The following SLC44A3 variants were observed in gnomAD, a reference collection of about 807,000 sequenced individuals.
SLC44A3 encodes solute carrier family 44 member 3.
SLC44A3 carries 74 observed loss-of-function variants against 75.4 expected under a neutral mutation model. That is an observed-to-expected ratio of 0.98 (90% CI 0.81 to 1.19). The LOEUF (loss-of-function observed/expected upper bound fraction) is 1.19, where lower values mean the gene tolerates loss of function less well. Ranked by LOEUF, SLC44A3 falls within the 50% of genes most tolerant of loss-of-function variation. The pLI is 0.00. For missense variants in SLC44A3, 700 were observed against 778.6 expected, an observed-to-expected ratio of 0.90 and a Z score of 1.20; for synonymous variants, 310 against 296.9, an observed-to-expected ratio of 1.04 and a Z score of -0.45.
intron 3 of SLC44A3, 78 bp from the exon 4 acceptor site, chr1:94,827,429 G>A: frequency 1.3e-6 from 2 of 1,563,232 alleles, no homozygotes; most frequent in Non-Finnish European, 1.8e-6. Context: ...ATAGCATGTG[G>A]ATATTTTTTA....
intron 12 of SLC44A3, among the ~76,000 whole-genome samples, chr1:94,878,252 C>A (rs1446790683): frequency 7.2e-6 from 1 of 139,566 alleles, no homozygotes. Flanking sequence ...CCAAAACAAA[C>A]AAACAAACAA....
chr1:94,833,756 G>GT (rs1662432781), intron 5 of SLC44A3, among the ~76,000 whole-genome samples: 2 of 151,034 alleles, frequency 1.3e-5, no homozygotes, highest in Admixed American at 6.6e-5. Context: ...GACAAGTCTA[G>GT]TAAAAAAAAA....
chr1:94,837,607 C>G, intron 5 of SLC44A3, 104 bp from the exon 6 acceptor site: 2 of 1,179,930 alleles, frequency 1.7e-6, no homozygotes, highest in South Asian at 3.5e-5. Flanking sequence ...CTCTCTATTA[C>G]TGTAGTTCTT....
intron 10 of SLC44A3, among the ~76,000 whole-genome samples, chr1:94,858,850 C>T (rs1419006879): frequency 6.6e-6 from 1 of 152,154 alleles, no homozygotes; most frequent in Non-Finnish European, 1.5e-5. Flanking sequence ...CACCACCACG[C>T]CTGGCTAATT....
chr1:94,891,792 G>A (rs926891102), intron 13 of SLC44A3, among the ~76,000 whole-genome samples: 16 of 151,894 alleles, frequency 1.1e-4, no homozygotes, highest in Non-Finnish European at 2.1e-4. Context: ...GTGTGGTGGC[G>A]GGTGCCTGTA....
intron 6 of SLC44A3, 58 bp downstream of exon 6, chr1:94,837,929 A>AT: frequency 7.1e-6 from 10 of 1,407,182 alleles, no homozygotes; most frequent in Non-Finnish European, 8.6e-6. Context: ...AGTTCCTAGC[A>AT]TTTTATATGT....
chr1:94,869,462 C>T (rs749028949), intron 12 of SLC44A3, among the ~76,000 whole-genome samples: 5 of 152,178 alleles, frequency 3.3e-5, no homozygotes, highest in African/African-American at 4.8e-5. Flanking sequence ...TGTGGCTAAA[C>T]CTGCTTTGTA....
At chr1:94,892,590 C>T (rs1670338694) in intron 14 of SLC44A3, 73 bp downstream of exon 14, 22 of 1,412,422 alleles carry the variant, frequency 1.6e-5, no homozygotes, top group South Asian at 1.2e-4. Flanking sequence ...GCTGCACACA[C>T]GAAAGAGGCT....
chr1:94,853,475 T>C (rs1214347493), intron 9 of SLC44A3, among the ~76,000 whole-genome samples: 5 of 152,136 alleles, frequency 3.3e-5, no homozygotes, highest in African/African-American at 4.8e-5. Context: ...AATGATTCAA[T>C]AGAGAGAAAG....
chr1:94,847,759 T>C (rs74101890), intron 9 of SLC44A3, among the ~76,000 whole-genome samples: 12,074 of 152,236 alleles, frequency 0.079, 1,412 homozygotes, highest in African/African-American at 0.25. Flanking sequence ...GATGTGGGTA[T>C]TGTTATGTTC....
chr1:94,848,894 T>C (rs757643120), intron 9 of SLC44A3, among the ~76,000 whole-genome samples: 92 of 151,798 alleles, frequency 6.1e-4, no homozygotes, highest in Non-Finnish European at 7.4e-4. Flanking sequence ...AATCGCCAGG[T>C]CAGAAAATAC....
chr1:94,861,450 C>T lies in SLC44A3; in HGVS notation c.1239-3293C>T, dbSNP rs1412542126. Among the ~76,000 whole-genome samples, 8 of 152,114 alleles carry T rather than the reference C, an allele frequency of 5.3e-5. No individual in the cohort carries two copies. In the East Asian group the frequency reaches 1.5e-3, roughly 29 times the overall value. ...AATTATGAATGGGGGAAGAAAACTG[C>T]TGTTTTTCCTATTAAGCCTAGCAGT... On this transcript the variant is annotated intron_variant, in intron 10 of 14. Transcript: ENST00000271227.
intron 12 of SLC44A3, among the ~76,000 whole-genome samples, chr1:94,871,849 A>G (rs1448144903): frequency 6.6e-6 from 1 of 152,234 alleles, no homozygotes; most frequent in East Asian, 1.9e-4. Flanking sequence ...TGTTCTTTAT[A>G]AATCCAAATT....
chr1:94,861,455 T>G (rs1666561777), intron 10 of SLC44A3, among the ~76,000 whole-genome samples: 1 of 152,194 alleles, frequency 6.6e-6, no homozygotes, highest in Non-Finnish European at 1.5e-5. Context: ...AACTGCTGTT[T>G]TTCCTATTAA....
At chr1:94,861,889 A>G (rs1033904924) in intron 10 of SLC44A3, among the ~76,000 whole-genome samples, 1 of 152,236 alleles carries the variant, frequency 6.6e-6, no homozygotes, top group Non-Finnish European at 1.5e-5. Context: ...AAGGAGCTAG[A>G]ACCCTTCAGG....
At chr1:94,820,541 T>C (rs1279453554) in intron 1 of SLC44A3, 63 bp downstream of exon 1, 4 of 1,459,458 alleles carry the variant, frequency 2.7e-6, no homozygotes, top group African/African-American at 1.4e-5. Flanking sequence ...GTCCCCCGCC[T>C]TCACGCACCT....
At chr1:94,836,913 C>CAAAAAAAAAAAAAAAAAAAA (rs56149444) in intron 5 of SLC44A3, 1 of 124,308 alleles carries the variant, frequency 8.0e-6, no homozygotes, top group African/African-American at 3.1e-5. Context: ...CCTGTCTCAA[C>CAAAAAAAAAAAAAAAAAAAA]AAAAAAAAAA....
intron 12 of SLC44A3, among the ~76,000 whole-genome samples, chr1:94,881,886 G>T (rs1405502382): frequency 6.6e-6 from 1 of 151,324 alleles, no homozygotes; most frequent in Non-Finnish European, 1.5e-5. Flanking sequence ...TGGGCATGGT[G>T]GCACGTGCCT....
At chr1:94,864,605 A>G in intron 10 of SLC44A3, 138 bp from the exon 11 acceptor site, 2 of 731,260 alleles carry the variant, frequency 2.7e-6, no homozygotes, top group Non-Finnish European at 4.3e-6. Flanking sequence ...GAAGCTACCA[A>G]GGAGTATAAA....
Sources: gnomAD v4.1 joint callset for allele counts (sites outside exome capture counted in the v4.1 genomes callset) on GRCh38, gnomAD v4.1.1 for gene constraint, MANE v1.5 for transcripts, NCBI Gene and HGNC (gene_info 2026-07-23, HGNC 2026-07-21) for gene names.